Variants in RNLS observed in about 807,000 individuals in gnomAD.
The protein encoded by RNLS is renalase, FAD dependent amine oxidase.
A neutral mutation model predicts 39.8 loss-of-function variants in RNLS; 39 were observed. The observed-to-expected ratio is 0.98, with a 90% confidence interval of 0.76 to 1.28. RNLS has a LOEUF of 1.28. RNLS is among the 50% of genes most tolerant of loss of function. The pLI is 0.00. For missense variants in RNLS, 410 were observed against 413.3 expected, an observed-to-expected ratio of 0.99 and a Z score of 0.07; for synonymous variants, 147 against 150.7, an observed-to-expected ratio of 0.98 and a Z score of 0.18.
intron 3 of RNLS, among the ~76,000 whole-genome samples, chr10:88,575,516 C>T (rs1850148650): frequency 1.3e-5 from 2 of 151,788 alleles, no homozygotes; most frequent in South Asian, 4.2e-4. Context: ...ACTGGCAAAA[C>T]CACCCAAAAA....
At position 88,322,846 on chromosome 10, in the gene RNLS, C is replaced by T. The variant is rs949751456; in HGVS notation, c.701-8205G>A. Among the ~76,000 whole-genome samples the T allele has an allele frequency of 4.6e-5, 7 of 152,212 alleles. 1 individual carries two copies. The highest frequency in any genetic ancestry group is 1.4e-4 in the African/African-American group (6 of 41,556). ...ATAGGAAAAGAAGAAGTAGAATTAT[C>T]TCTGCTAGCTGATGACATGATCCTA... On this transcript the variant is annotated intron_variant, in intron 5 of 6. Transcript: ENST00000331772.
Position 88,285,247 on chromosome 10 carries a change from C to T in RNLS, c.*107G>A. On this transcript the variant is annotated 3_prime_UTR_variant, in exon 7 of 7. Transcript: ENST00000331772. ...ATGAAAAATGATAATAAGTGAAGAA[C>T]AATTTTCCAGTAATTTTTCTTAGCA... The T allele has an allele frequency of 7.1e-7, 1 of 1,403,812 alleles. No individual in the cohort carries two copies. The highest frequency in any genetic ancestry group is 9.3e-7 in the Non-Finnish European group (1 of 1,075,180). The allele number at this position is 1,403,812 out of a possible 1,614,324, so 87.0% of individuals were successfully genotyped here. A position where few individuals can be genotyped will look rare whatever the true frequency, so the allele number is the denominator to read the frequency against.
intron 4 of RNLS, among the ~76,000 whole-genome samples, chr10:88,560,600 A>G (rs1034457957): frequency 1.3e-5 from 2 of 152,126 alleles, no homozygotes; most frequent in East Asian, 3.9e-4. Context: ...CTACTGGAGA[A>G]TGATTCAGAA....
the RNLS span, among the ~76,000 whole-genome samples, chr10:88,225,873 T>C: frequency 6.6e-6 from 1 of 152,190 alleles, no homozygotes; most frequent in Admixed American, 6.5e-5. Context: ...GCTCTTTAAA[T>C]GAAATGCGCT....
rs545906203 is a variant in RNLS at position 88,371,106 on chromosome 10, C to T, written c.527-8381G>A. The stretch of plus-strand genomic sequence containing the variant: ...TGACATTTATCTGTGTGACATTGGA[C>T]GAGCTACTTAATCCCTCTAAGCATC... On this transcript the variant is annotated intron_variant, in intron 4 of 6. Transcript: ENST00000331772. Among the ~76,000 whole-genome samples the T allele has an allele frequency of 1.6e-4, 25 of 152,134 alleles. No individual in the cohort carries two copies. The South Asian group carries it at 4.6e-3, about 28-fold the overall frequency.
chr10:88,315,738 GTTTT>G (rs202128805), intron 5 of RNLS, among the ~76,000 whole-genome samples: 1 of 133,416 alleles, frequency 7.5e-6, no homozygotes, highest in Non-Finnish European at 1.6e-5. Context: ...TACATTTCAG[GTTTT>G]TTTTTTTTTT....
chr10:88,189,091 C>G, the RNLS span, among the ~76,000 whole-genome samples: 1 of 152,302 alleles, frequency 6.6e-6, no homozygotes, highest in South Asian at 2.1e-4. Flanking sequence ...ATATTCTAAG[C>G]TTTCCTGGTA....
chr10:88,555,635 C>T (rs1848829537), intron 4 of RNLS, among the ~76,000 whole-genome samples: 1 of 152,112 alleles, frequency 6.6e-6, no homozygotes, highest in South Asian at 2.1e-4. Flanking sequence ...AAATATATCT[C>T]TTCCAGCTTC....
At chr10:88,578,454 G>T (rs1850335440) in intron 3 of RNLS, among the ~76,000 whole-genome samples, 1 of 152,012 alleles carries the variant, frequency 6.6e-6, no homozygotes, top group Non-Finnish European at 1.5e-5. Flanking sequence ...GGGACTTAAA[G>T]AATGTTTAAA....
intron 4 of RNLS, among the ~76,000 whole-genome samples, chr10:88,408,147 T>C (rs1400731436): frequency 6.6e-6 from 1 of 152,148 alleles, no homozygotes; most frequent in Non-Finnish European, 1.5e-5. Context: ...TTGTCCAAAA[T>C]ATAGTTTAAA....
the RNLS span, among the ~76,000 whole-genome samples, chr10:88,213,412 C>T: frequency 4.6e-5 from 7 of 151,818 alleles, no homozygotes; most frequent in African/African-American, 1.7e-4. Flanking sequence ...GGCACCTTCC[C>T]GAGTTTGGGA....
Position 88,298,764 on chromosome 10 carries a change from A to C in RNLS, c.877-13258T>G, listed in dbSNP as rs183891524. ...GTAAGATTTGAAAAGAGAACGTGTG[A>C]GTCCTCTAACTTTGTTCTTTTTTTC... On this transcript the variant is annotated intron_variant, in intron 6 of 6. Coordinates refer to ENST00000331772, the MANE Select transcript of RNLS (RefSeq NM_001031709.3). Among the ~76,000 whole-genome samples the C allele has an allele frequency of 3.8e-3, 584 of 152,152 alleles. 7 individuals carry two copies. Among genetic ancestry groups the C allele is most frequent in the African/African-American group, 0.012 (514 of 41,508 alleles).
intron 5 of RNLS, among the ~76,000 whole-genome samples, chr10:88,348,817 CTT>C (rs947909696): frequency 7.9e-5 from 12 of 152,256 alleles, no homozygotes; most frequent in African/African-American, 2.6e-4. Flanking sequence ...AAGACCATAA[CTT>C]TTCCTTTGAA....
At chr10:88,276,868 T>C (rs1842829887) in intron 6 of RNLS, among the ~76,000 whole-genome samples, 1 of 152,208 alleles carries the variant, frequency 6.6e-6, no homozygotes, top group Non-Finnish European at 1.5e-5. Context: ...TCATAATATT[T>C]GCAATTTCCC....
chr10:88,314,648 C>A lies in RNLS; in HGVS notation c.701-7G>T. On this transcript the variant is annotated splice_region_variant and splice_polypyrimidine_tract_variant and intron_variant, in intron 5 of 6. Transcript: ENST00000331772. Reference sequence around the variant, plus strand: ...GGCCCAATTTCTGATGACTCTGTGGCATAAGAGGATCATAAAGATGCATCT... The same window carrying A: ...GGCCCAATTTCTGATGACTCTGTGGAATAAGAGGATCATAAAGATGCATCT... The A allele has an allele frequency of 6.2e-7, 1 of 1,608,816 alleles. No individual in the cohort carries two copies. The highest frequency in any genetic ancestry group is 1.7e-4 in the Middle Eastern group (1 of 6,042).
chr10:88,396,939 T>C (rs1852598564), intron 4 of RNLS, among the ~76,000 whole-genome samples: 1 of 151,898 alleles, frequency 6.6e-6, no homozygotes, highest in Admixed American at 6.6e-5. Context: ...ATAACAATAA[T>C]ACACAAATGT....
intron 6 of RNLS, among the ~76,000 whole-genome samples, chr10:88,313,986 C>T (rs1421412125): frequency 6.6e-6 from 1 of 152,132 alleles, no homozygotes; most frequent in Non-Finnish European, 1.5e-5. Flanking sequence ...TTATCTCTCT[C>T]CCCCAGAGAG....
At chr10:88,188,742 TAC>T in the RNLS span, among the ~76,000 whole-genome samples, 2 of 152,192 alleles carry the variant, frequency 1.3e-5, no homozygotes, top group Admixed American at 6.5e-5. Flanking sequence ...GACACAAGAC[TAC>T]AGTCACCAGC....
chr10:88,457,125 C>CTT (rs1208195226), intron 4 of RNLS, among the ~76,000 whole-genome samples: 1 of 152,172 alleles, frequency 6.6e-6, no homozygotes, highest in Non-Finnish European at 1.5e-5. Context: ...GTTTTTCTTC[C>CTT]TCACCATGAC....
Sources: allele counts gnomAD v4.1 joint callset (sites outside exome capture counted in the v4.1 genomes callset), GRCh38; gene constraint gnomAD v4.1.1; transcripts MANE v1.5; gene names NCBI Gene and HGNC (gene_info 2026-07-23, HGNC 2026-07-21).